The following FHAD1 variants were observed in gnomAD, a reference collection of about 807,000 sequenced individuals.
FHAD1 encodes the protein forkhead associated phosphopeptide binding domain 1.
Under a neutral mutation model 191.3 loss-of-function variants are expected in FHAD1, and 146 were observed. The observed-to-expected ratio is 0.76, with a 90% CI of 0.67 to 0.88. The LOEUF is 0.88. FHAD1 is among the 40% of genes least tolerant of loss of function. The pLI, the probability that FHAD1 is intolerant of heterozygous loss-of-function variation, is 0.00. For missense variants in FHAD1, 1,635 were observed against 1,785.8 expected, an observed-to-expected ratio of 0.92 and a Z score of 1.52; for synonymous variants, 616 against 672.3, an observed-to-expected ratio of 0.92 and a Z score of 1.29.
At chr1:15,321,623 G>A (rs1486672124) in intron 10 of FHAD1, among the ~76,000 whole-genome samples, 1 of 152,160 alleles carries the variant, frequency 6.6e-6, no homozygotes, top group Non-Finnish European at 1.5e-5. Flanking sequence ...TTACTATTAT[G>A]TGTTTTCTAC....
At chr1:15,264,126 T>C (rs1652382508) in intron 2 of FHAD1, among the ~76,000 whole-genome samples, 3 of 152,164 alleles carry the variant, frequency 2.0e-5, no homozygotes, top group Admixed American at 2.0e-4. Flanking sequence ...CCTTTGAGAA[T>C]CCATATAAAT....
At chr1:15,283,319 A>G (rs1388500444) in intron 3 of FHAD1, among the ~76,000 whole-genome samples, 2 of 152,092 alleles carry the variant, frequency 1.3e-5, no homozygotes, top group Non-Finnish European at 2.9e-5. Flanking sequence ...AAACCTCCAG[A>G]ATTGAGTCCC....
intron 3 of FHAD1, among the ~76,000 whole-genome samples, chr1:15,275,885 G>A (rs1377871363): frequency 6.6e-6 from 1 of 152,160 alleles, no homozygotes; most frequent in Non-Finnish European, 1.5e-5. Context: ...TCCTAATATT[G>A]TAAGGCTTAG....
intron 6 of FHAD1, among the ~76,000 whole-genome samples, chr1:15,304,186 C>T (rs905985968): frequency 2.0e-5 from 3 of 152,258 alleles, no homozygotes; most frequent in Non-Finnish European, 2.9e-5. Flanking sequence ...CAAGACAATG[C>T]GTACCGCCAT....
chr1:15,303,112 TTC>T (rs1327627008), intron 6 of FHAD1, among the ~76,000 whole-genome samples: 3 of 152,228 alleles, frequency 2.0e-5, no homozygotes, highest in Non-Finnish European at 4.4e-5. Context: ...GCTCTGGGAA[TTC>T]GGCAGAGAAC....
At chr1:15,293,598 A>G (rs537914617) in intron 4 of FHAD1, among the ~76,000 whole-genome samples, 11 of 152,096 alleles carry the variant, frequency 7.2e-5, no homozygotes, top group East Asian at 1.9e-4. Flanking sequence ...CGCACCTGTA[A>G]TCCCAGCTAC....
chr1:15,386,988 A>G (rs894376907), intron 31 of FHAD1, among the ~76,000 whole-genome samples: 2 of 151,680 alleles, frequency 1.3e-5, no homozygotes, highest in Non-Finnish European at 2.9e-5. Flanking sequence ...TCAGCCTTCC[A>G]AGTAGCTGGG....
chr1:15,296,833 A>G, intron 5 of FHAD1, 40 bp downstream of exon 5: 1 of 1,498,778 alleles, frequency 6.7e-7, no homozygotes, highest in Non-Finnish European at 9.1e-7. Flanking sequence ...CTGCAGCAGC[A>G]AGCGCACTGC....
chr1:15,263,286 A>C (rs375090994), intron 2 of FHAD1, among the ~76,000 whole-genome samples: 100 of 152,138 alleles, frequency 6.6e-4, no homozygotes, highest in African/African-American at 2.4e-3. Context: ...ATCCTTTGAT[A>C]TATAGAAGTT....
intron 16 of FHAD1, 142 bp downstream of exon 16, chr1:15,342,030 G>A: frequency 1.6e-6 from 1 of 639,810 alleles, no homozygotes; most frequent in Non-Finnish European, 2.5e-6. Context: ...TAAACAGGGT[G>A]AATAATTGGG....
intron 3 of FHAD1, among the ~76,000 whole-genome samples, chr1:15,285,417 C>T (rs1277900151): frequency 6.6e-6 from 1 of 152,120 alleles, no homozygotes; most frequent in Non-Finnish European, 1.5e-5. Flanking sequence ...CCTATAATGC[C>T]AGCTACTTGG....
intron 3 of FHAD1, among the ~76,000 whole-genome samples, chr1:15,275,205 G>A (rs759656636): frequency 3.3e-5 from 5 of 152,164 alleles, no homozygotes; most frequent in South Asian, 2.1e-4. Flanking sequence ...CTCGTGATCC[G>A]CCCGTCTCAG....
chr1:15,358,268 T>C lies in FHAD1; in HGVS notation c.2721T>C (p.Thr907=), dbSNP rs1693516874. 1 of 1,528,610 alleles carries C rather than the reference T, an allele frequency of 6.5e-7. No individual in the cohort carries two copies. The highest frequency in any genetic ancestry group is 8.8e-7 in the Non-Finnish European group (1 of 1,141,918). 94.7% of individuals were successfully genotyped at this position (1,528,610 alleles called of 1,614,324 possible). Residue 907 remains threonine, a synonymous_variant, in exon 21 of 34, where the codon ACT becomes ACC. Transcript: ENST00000688493. Reference sequence around the variant, plus strand: ...ATGAAACATTAGCCGAACTGGAAACTACCAAGACAAAAATGGTAAGTCGGT... The same window carrying C: ...ATGAAACATTAGCCGAACTGGAAACCACCAAGACAAAAATGGTAAGTCGGT... ...KLNETLAELE[T]TKTKMIMVEE...
intron 2 of FHAD1, among the ~76,000 whole-genome samples, chr1:15,253,233 A>G (rs959259470): frequency 6.6e-6 from 1 of 151,958 alleles, no homozygotes; most frequent in Non-Finnish European, 1.5e-5. Context: ...GTATCATTTT[A>G]TAGATCACAT....
rs139010451 is a variant in FHAD1 at position 15,272,265 on chromosome 1, T to C, written c.94-58T>C. The stretch of plus-strand genomic sequence containing the variant: ...CAGGTAAGGCACTCAGCTCAAAACA[T>C]TAGGGGCCGTGTCATTTTTGTTTTC... On this transcript the variant is annotated intron_variant, in intron 2 of 33. Coordinates refer to ENST00000688493, the MANE Select transcript of FHAD1 (RefSeq NM_001391957.1). 3.4e-5 allele frequency: 50 copies of C among 1,472,866 alleles called. No individual in the cohort carries two copies. In the African/African-American group the frequency reaches 6.1e-4, roughly 18 times the overall value. The allele number at this position is 1,472,866 out of a possible 1,614,324, so 91.2% of individuals were successfully genotyped here. A position where few individuals can be genotyped will look rare whatever the true frequency, so the allele number is the denominator to read the frequency against.
In FHAD1 at chr1:15,289,772, T is replaced by C. The variant is rs1041475419; in HGVS notation, c.568+106T>C. 8 of 1,403,620 alleles carry C rather than the reference T, an allele frequency of 5.7e-6. No individual in the cohort carries two copies. In the East Asian group the frequency reaches 1.3e-4, roughly 22 times the overall value. 86.9% of individuals were successfully genotyped at this position (1,403,620 alleles called of 1,614,324 possible). The stretch of plus-strand genomic sequence containing the variant: ...ATTCTAAAAGTAGAACATATTCAAT[T>C]GTAAAAAATGAAAATAAATTCAGGA... On this transcript the variant is annotated intron_variant, in intron 4 of 33. Coordinates refer to ENST00000688493, the MANE Select transcript of FHAD1 (RefSeq NM_001391957.1). This position sits in a 1 kb window ranked among gnomAD's most constrained non-coding sequence, Gnocchi z 4.2.
rs55731058 is a variant in FHAD1, at chr1:15,397,225, A to C, written c.4324-72A>C. On this transcript the variant is annotated intron_variant, in intron 33 of 33. Coordinates refer to ENST00000688493, the MANE Select transcript of FHAD1 (RefSeq NM_001391957.1). ...AAATTAAATAAAATAAAAAATAACAAAACCACTTGAGTGGAACAATTGGAG... is the reference window on the plus strand; with the variant it reads ...AAATTAAATAAAATAAAAAATAACACAACCACTTGAGTGGAACAATTGGAG... The C allele has an allele frequency of 2.5e-3, 1,694 of 676,656 alleles. 25 individuals are homozygous for C. In the African/African-American group the frequency reaches 0.026, roughly 11 times the overall value. The allele number at this position is 676,656 out of a possible 1,614,324, so 41.9% of individuals were successfully genotyped here.
intron 19 of FHAD1, among the ~76,000 whole-genome samples, chr1:15,351,516 A>G (rs1690847261): frequency 6.6e-6 from 1 of 152,058 alleles, no homozygotes. Flanking sequence ...TTGTCTTTAT[A>G]CTGCCTCGGT....
intron 21 of FHAD1, among the ~76,000 whole-genome samples, chr1:15,360,083 AAT>A (rs1346369230): frequency 1.3e-4 from 20 of 152,342 alleles, no homozygotes; most frequent in African/African-American, 4.1e-4. Context: ...ACTGCACTCT[AAT>A]GTGGGTGACA....
Sources: gnomAD v4.1 joint callset for allele counts (sites outside exome capture counted in the v4.1 genomes callset) on GRCh38, gnomAD v4.1.1 for gene constraint, Gnocchi (gnomAD v3.1) non-coding constraint, MANE v1.5 for transcripts, NCBI Gene and HGNC (gene_info 2026-07-23, HGNC 2026-07-21) for gene names.